MYO18A: variants seen among roughly 807,000 people sequenced by gnomAD.
MYO18A encodes the protein myosin XVIIIA.
MYO18A carries 78 observed loss-of-function variants against 235.8 expected under a neutral mutation model. That is an observed-to-expected ratio of 0.33 (90% confidence interval 0.28 to 0.40). The LOEUF (loss-of-function observed/expected upper bound fraction) is 0.40, where lower values mean the gene tolerates loss of function less well. Ranked by LOEUF, MYO18A falls within the 10% of genes least tolerant of loss-of-function variation. The pLI is 1.00. For missense variants in MYO18A, 2,215 were observed against 2,699.3 expected, an observed-to-expected ratio of 0.82 and a Z score of 3.98; for synonymous variants, 977 against 1,077.8, an observed-to-expected ratio of 0.91 and a Z score of 1.83.
chr17:29,117,895 G>C lies in MYO18A; in HGVS notation c.2038+150C>G. 1.0e-6 allele frequency: 1 copy of C among 955,324 alleles called. No homozygotes were observed. The highest frequency in any genetic ancestry group is 1.7e-5 in the South Asian group (1 of 59,050). 59.2% of individuals were successfully genotyped at this position (955,324 alleles called of 1,614,324 possible). A position where few individuals can be genotyped will look rare whatever the true frequency, so the allele number is the denominator to read the frequency against. ...AGATGCTTCCCGGGCCTTCTGCTCT[G>C]AAGTGGGGGGCTGAGAAGAGGCACA... On this transcript the variant is annotated intron_variant, in intron 10 of 41. Coordinates refer to ENST00000527372, the MANE Select transcript of MYO18A (RefSeq NM_078471.4). The surrounding 1 kb of genome is among the most constrained non-coding windows in gnomAD (Gnocchi z 4.6).
intron 12 of MYO18A, 27 bp downstream of exon 12, chr17:29,115,637 A>T (rs2067041436): frequency 6.4e-7 from 1 of 1,566,474 alleles, no homozygotes; most frequent in Non-Finnish European, 8.7e-7. Flanking sequence ...TCACACTCAC[A>T]ACTACCAGCC....
intron 15 of MYO18A, among the ~76,000 whole-genome samples, chr17:29,112,961 G>C (rs775561592): frequency 6.6e-6 from 1 of 152,220 alleles, no homozygotes; most frequent in Non-Finnish European, 1.5e-5. Context: ...CCCTTCCCCA[G>C]GGGTGCAGCC....
In MYO18A at chr17:29,120,899, A is replaced by G; in HGVS notation, c.1585+99T>C. Reference sequence around the variant, plus strand: ...GACAGAGGGGTTTCGGGGGGATGGAAAGGCCAGGGAGAAAAAGAGCTGGCA... The same window carrying G: ...GACAGAGGGGTTTCGGGGGGATGGAGAGGCCAGGGAGAAAAAGAGCTGGCA... On this transcript the variant is annotated intron_variant, in intron 6 of 41. Transcript: ENST00000527372. This position sits in a 1 kb window ranked among gnomAD's most constrained non-coding sequence, Gnocchi z 4.2. 6.4e-7 allele frequency: 1 copy of G among 1,559,298 alleles called. No homozygotes were observed. Among genetic ancestry groups the G allele is most frequent in the South Asian group, 1.2e-5 (1 of 84,654 alleles).
chr17:29,097,892 T>C lies in MYO18A; in HGVS notation c.3998A>G (p.Tyr1333Cys). 1 of 1,612,884 alleles carries C rather than the reference T, an allele frequency of 6.2e-7. No individual in the cohort carries two copies. The highest frequency in any genetic ancestry group is 8.5e-7 in the Non-Finnish European group (1 of 1,179,316). The part of the protein sequence containing the change: ...EKEMKELQTQ[Y>C]DALKKQMEVM... ...CTCCATCTGCTTCTTCAGTGCATCG[T>C]ACTGGGTCTGCAGAAGACAGGGTTT... The change falls in exon 26 of 42, where the codon TAC becomes TGC. Residue 1333 changes from tyrosine to cysteine, a missense_variant. Coordinates refer to ENST00000527372, the MANE Select transcript of MYO18A (RefSeq NM_078471.4).
chr17:29,113,703 C>G (rs1313617655), intron 15 of MYO18A, among the ~76,000 whole-genome samples: 1 of 152,206 alleles, frequency 6.6e-6, no homozygotes, highest in Non-Finnish European at 1.5e-5. Context: ...CAGTCACCAG[C>G]TGGGGCCCGA....
chr17:29,142,227 T>C (rs566779225), intron 2 of MYO18A, among the ~76,000 whole-genome samples: 1 of 152,338 alleles, frequency 6.6e-6, no homozygotes, highest in African/African-American at 2.4e-5. Flanking sequence ...CCACTGCGCC[T>C]GGCTGGACAC....
In MYO18A at chr17:29,080,598, C is replaced by T. The variant is rs540519423; in HGVS notation, c.6020+1718G>A. 136 of 985,804 alleles carry T rather than the reference C, an allele frequency of 1.4e-4. No homozygotes were observed. In the South Asian group the frequency reaches 5.6e-3, roughly 41 times the overall value. The allele number at this position is 985,804 out of a possible 1,614,324, so 61.1% of individuals were successfully genotyped here. A position where few individuals can be genotyped will look rare whatever the true frequency, so the allele number is the denominator to read the frequency against. ...GGCGGGAACCGGGCGAGCCCGACAG[C>T]GAGAAACTCAGGGAAGAGCCAGCCC... On this transcript the variant is annotated intron_variant, in intron 41 of 41. Transcript: ENST00000527372.
chr17:29,111,359 G>C lies in MYO18A; in HGVS notation c.2900+65C>G, dbSNP rs1011514402. ...GGGGCCTCTGAGACAACCCCAGGGGGAGGGAGCCCCAAAATCAAAACAGTC... is the reference window on the plus strand; with the variant it reads ...GGGGCCTCTGAGACAACCCCAGGGGCAGGGAGCCCCAAAATCAAAACAGTC... On this transcript the variant is annotated intron_variant, in intron 17 of 41. Transcript: ENST00000527372. This position sits in a 1 kb window ranked among gnomAD's most constrained non-coding sequence, Gnocchi z 5.1. The C allele has an allele frequency of 1.3e-6, 2 of 1,559,054 alleles. No homozygotes were observed. The highest frequency in any genetic ancestry group is 2.7e-5 in the African/African-American group (2 of 74,208).
chr17:29,163,719 A>G (rs1598394417), intron 2 of MYO18A, among the ~76,000 whole-genome samples: 1 of 152,332 alleles, frequency 6.6e-6, no homozygotes, highest in African/African-American at 2.4e-5. Context: ...GAGAAAACCA[A>G]ACAGCATCTG....
Position 29,074,884 on chromosome 17 carries a change from A to G in MYO18A, c.6051T>C (p.Pro2017=). Residue 2017 remains proline, a synonymous_variant, in exon 42 of 42, where the codon CCT becomes CCC. Coordinates refer to ENST00000527372, the MANE Select transcript of MYO18A (RefSeq NM_078471.4). The surrounding 1 kb of genome is among the most constrained non-coding windows in gnomAD (Gnocchi z 4.4). Reference sequence around the variant, plus strand: ...GGTCGTGCTCATCATCTGACCGATCAGGGGCAAGGGACTTCCAGTAGCTGG... The same window carrying G: ...GGTCGTGCTCATCATCTGACCGATCGGGGGCAAGGGACTTCCAGTAGCTGG... ...SPTSYWKSLA[P]DRSDDEHDPL... is the part of the protein sequence containing the mutation. 6.2e-7 allele frequency: 1 copy of G among 1,613,938 alleles called. No individual in the cohort carries two copies. The highest frequency in any genetic ancestry group is 8.5e-7 in the Non-Finnish European group (1 of 1,179,876).
In MYO18A at chr17:29,116,075, C is replaced by T. The variant is rs537149660; in HGVS notation, c.2051-235G>A. Among the ~76,000 whole-genome samples, 152 of 152,332 alleles carry T rather than the reference C, an allele frequency of 1.0e-3. 1 individual carries two copies. The South Asian group carries it at 0.025, about 26-fold the overall frequency. On this transcript the variant is annotated intron_variant, in intron 11 of 41. Coordinates refer to ENST00000527372, the MANE Select transcript of MYO18A (RefSeq NM_078471.4). ...AGGAGGTAACTCCACATGCTGCCAC[C>T]GGAGGGCAACAAACCAGCTGCAAAA...
At chr17:29,116,829 C>A (rs926168953) in intron 10 of MYO18A, among the ~76,000 whole-genome samples, 1 of 149,462 alleles carries the variant, frequency 6.7e-6, no homozygotes, top group African/African-American at 2.5e-5. Context: ...TTTCCGCTTG[C>A]AGTTGGGGCT....
intron 37 of MYO18A, among the ~76,000 whole-genome samples, chr17:29,088,199 C>T (rs371865302): frequency 8.6e-5 from 13 of 151,850 alleles, no homozygotes; most frequent in East Asian, 7.8e-4. Flanking sequence ...GGACTACAGG[C>T]GCCCGCCACC....
Position 29,118,724 on chromosome 17 carries a change from G to A in MYO18A, c.1830-284C>T, listed in dbSNP as rs1224750945. 2.6e-5 allele frequency among the ~76,000 whole-genome samples: 4 copies of A among 152,260 alleles called. No homozygotes were observed. The highest frequency in any genetic ancestry group is 9.6e-5 in the African/African-American group (4 of 41,478). On this transcript the variant is annotated intron_variant, in intron 8 of 41. Coordinates refer to ENST00000527372, the MANE Select transcript of MYO18A (RefSeq NM_078471.4). This position sits in a 1 kb window ranked among gnomAD's most constrained non-coding sequence, Gnocchi z 4.2. ...GGAACCTGCCCGAAGGGTGAGTCCC[G>A]CCAAGGCAGAGACGATGCCCTCAGT...
At chr17:29,088,832 G>A (rs1022661274) in intron 37 of MYO18A, among the ~76,000 whole-genome samples, 10 of 152,106 alleles carry the variant, frequency 6.6e-5, no homozygotes, top group Non-Finnish European at 1.2e-4. Flanking sequence ...GAGCCCAGAA[G>A]TTCAAGACCA....
chr17:29,110,402 C>T, intron 18 of MYO18A, 34 bp downstream of exon 18: 5 of 1,543,550 alleles, frequency 3.2e-6, no homozygotes, highest in Non-Finnish European at 4.4e-6. Flanking sequence ...GAAGGGTCCC[C>T]AGGCCTGCCT....
At position 29,073,580 on chromosome 17, in the gene MYO18A, T is replaced by C. The variant is rs556973405; in HGVS notation, c.*1190A>G. The C allele has an allele frequency of 1.3e-4, 50 of 384,022 alleles. No individual in the cohort carries two copies. The highest frequency in any genetic ancestry group is 2.9e-4 in the Admixed American group (7 of 23,972). 23.8% of individuals were successfully genotyped at this position (384,022 alleles called of 1,614,324 possible). A position where few individuals can be genotyped will look rare whatever the true frequency, so the allele number is the denominator to read the frequency against. On this transcript the variant is annotated 3_prime_UTR_variant, in exon 42 of 42. Coordinates refer to ENST00000527372, the MANE Select transcript of MYO18A (RefSeq NM_078471.4). ...GTAAACAGGGGAGAGCACAGCCCAG[T>C]GAGTACAAACCAATTGCAGGAGAGA...
At chr17:29,098,331 C>T (rs773743091) in intron 24 of MYO18A, 25 bp downstream of exon 24, 28 of 1,613,104 alleles carry the variant, frequency 1.7e-5, no homozygotes, top group Middle Eastern at 1.6e-4. Context: ...CATGCCCAGT[C>T]GGTGTGGTGC....
rs2067119477 is a variant in MYO18A at position 29,118,252 on chromosome 17, T to G, written c.1894-63A>C. On this transcript the variant is annotated intron_variant, in intron 9 of 41. Transcript: ENST00000527372. The surrounding 1 kb of genome is among the most constrained non-coding windows in gnomAD (Gnocchi z 4.2). ...AGCACACCCCCATGAGGCTGGGCCC[T>G]CAGGGCAAGGCTTGGGTAGAGCCAG... 1.9e-6 allele frequency: 3 copies of G among 1,567,282 alleles called. No homozygotes were observed. The African/African-American group carries it at 4.1e-5, about 21-fold the overall frequency.
Sources: allele counts gnomAD v4.1 joint callset (sites outside exome capture counted in the v4.1 genomes callset), GRCh38; gene constraint gnomAD v4.1.1; non-coding constraint Gnocchi (gnomAD v3.1); transcripts MANE v1.5; gene names NCBI Gene and HGNC (gene_info 2026-07-23, HGNC 2026-07-21).